The following IFT43 variants were observed in gnomAD, a reference collection of about 807,000 sequenced individuals.
The protein encoded by IFT43 is intraflagellar transport protein 43 homolog.
A neutral mutation model predicts 32.3 loss-of-function variants in IFT43; 33 were observed. That is an observed-to-expected ratio of 1.02 (90% CI 0.77 to 1.37). IFT43 has a LOEUF of 1.37. IFT43 is among the 40% of genes most tolerant of loss of function. The pLI is 0.00. For missense variants in IFT43, 274 were observed against 265.9 expected (o/e 1.03, Z -0.21); for synonymous variants, 93 against 98.2 (o/e 0.95, Z 0.31).
intron 3 of IFT43, among the ~76,000 whole-genome samples, chr14:76,047,721 C>T (rs998096762): frequency 1.1e-4 from 16 of 151,674 alleles, no homozygotes; most frequent in Middle Eastern, 3.4e-3. Context: ...CCCTCTGTTC[C>T]TTCCCTCCCT....
chr14:76,037,689 C>G (rs866762415), intron 3 of IFT43, among the ~76,000 whole-genome samples: 2,300 of 40,538 alleles, frequency 0.057, 59 homozygotes, highest in African/African-American at 0.18. Flanking sequence ...CCCTCATTCT[C>G]TGTTTTTTTT....
chr14:76,016,689 ATGGGAT>A (rs796827479), intron 2 of IFT43, among the ~76,000 whole-genome samples: 10 of 152,302 alleles, frequency 6.6e-5, no homozygotes, highest in African/African-American at 2.4e-4. Flanking sequence ...ATCCATAAGC[ATGGGAT>A]GTCTATTTGT....
At chr14:76,060,000 G>A (rs988634959) in intron 5 of IFT43, among the ~76,000 whole-genome samples, 3 of 152,138 alleles carry the variant, frequency 2.0e-5, no homozygotes, top group African/African-American at 7.2e-5. Flanking sequence ...GACAACACAT[G>A]TTCTTTATCT....
chr14:76,044,070 A>T (rs886853514), intron 3 of IFT43, among the ~76,000 whole-genome samples: 1 of 150,210 alleles, frequency 6.7e-6, no homozygotes, highest in Non-Finnish European at 1.5e-5. Context: ...TTTTTTTTGA[A>T]ACAGAGTCTT....
chr14:76,081,846 GCACT>G (rs1314376179), intron 5 of IFT43, among the ~76,000 whole-genome samples: 1 of 152,172 alleles, frequency 6.6e-6, no homozygotes, highest in Non-Finnish European at 1.5e-5. Flanking sequence ...ATGAGGAGTG[GCACT>G]CACTGCGGCA....
chr14:76,035,410 G>A (rs750315964), intron 3 of IFT43, among the ~76,000 whole-genome samples: 9 of 152,154 alleles, frequency 5.9e-5, no homozygotes, highest in Non-Finnish European at 1.2e-4. Flanking sequence ...GAACTGCTGT[G>A]TGCTGGTCCC....
intron 5 of IFT43, among the ~76,000 whole-genome samples, chr14:76,076,141 G>T (rs2037408008): frequency 1.3e-5 from 2 of 152,242 alleles, no homozygotes; most frequent in Admixed American, 1.3e-4. Flanking sequence ...GAGTGGGAAA[G>T]AAATTTGGGA....
chr14:75,999,218 A>G, intron 2 of IFT43, among the ~76,000 whole-genome samples: 1 of 138,422 alleles, frequency 7.2e-6, no homozygotes, highest in Middle Eastern at 3.8e-3. Context: ...ATTTATATAT[A>G]AATTCATTTT....
At chr14:76,008,458 A>G (rs1220245789) in intron 2 of IFT43, among the ~76,000 whole-genome samples, 1 of 152,254 alleles carries the variant, frequency 6.6e-6, no homozygotes, top group African/African-American at 2.4e-5. Context: ...TCCAGTGTCT[A>G]CAGTAGACCT....
rs931263446 is a variant in IFT43 at position 76,044,392 on chromosome 14, G to A, written c.216-14250G>A. ...GAAGAGCTATATAGGGCAAGGTTTGGAAGAGACCCAATTGTAGGAGCTTCT... is the reference window on the plus strand; with the variant it reads ...GAAGAGCTATATAGGGCAAGGTTTGAAAGAGACCCAATTGTAGGAGCTTCT... On this transcript the variant is annotated intron_variant, in intron 3 of 8. Transcript: ENST00000314067. Among the ~76,000 whole-genome samples the A allele has an allele frequency of 2.6e-5, 4 of 152,172 alleles. No homozygotes were observed. In the East Asian group the frequency reaches 7.7e-4, roughly 29 times the overall value.
chr14:76,054,486 C>T (rs2036972804), intron 3 of IFT43, among the ~76,000 whole-genome samples: 1 of 152,240 alleles, frequency 6.6e-6, no homozygotes, highest in Non-Finnish European at 1.5e-5. Flanking sequence ...CACTAACTAG[C>T]TCTGTGATTT....
intron 6 of IFT43, 99 bp downstream of exon 6, chr14:76,082,466 C>T: frequency 8.5e-7 from 1 of 1,179,800 alleles, no homozygotes; most frequent in Non-Finnish European, 1.3e-6. Flanking sequence ...CTGGATCTTT[C>T]TGGTGTTGGG....
chr14:76,010,592 T>C (rs2036064594), intron 2 of IFT43, among the ~76,000 whole-genome samples: 1 of 151,912 alleles, frequency 6.6e-6, no homozygotes, highest in Non-Finnish European at 1.5e-5. Context: ...AAAAATAGAA[T>C]ATATGTTTTA....
intron 2 of IFT43, among the ~76,000 whole-genome samples, chr14:76,018,740 T>C (rs1938840977): frequency 6.6e-6 from 1 of 152,132 alleles, no homozygotes; most frequent in Non-Finnish European, 1.5e-5. Flanking sequence ...TGGGTACATA[T>C]ATATTTAGAA....
chr14:76,008,581 C>T (rs190652321), intron 2 of IFT43, among the ~76,000 whole-genome samples: 11 of 152,170 alleles, frequency 7.2e-5, no homozygotes, highest in African/African-American at 1.9e-4. Context: ...AATTTGAACC[C>T]GGGACTGTCC....
At chr14:76,006,361 C>G (rs1032723027) in intron 2 of IFT43, among the ~76,000 whole-genome samples, 1 of 152,120 alleles carries the variant, frequency 6.6e-6, no homozygotes, top group Non-Finnish European at 1.5e-5. Context: ...CTAGGTCCTG[C>G]CTTTCATGTT....
At chr14:76,018,192 A>G (rs1233570861) in intron 2 of IFT43, among the ~76,000 whole-genome samples, 1 of 150,266 alleles carries the variant, frequency 6.7e-6, no homozygotes, top group Non-Finnish European at 1.5e-5. Flanking sequence ...ATTCATTGCT[A>G]TACTTCCCTC....
At chr14:75,990,060 G>T (rs1431262748) in intron 2 of IFT43, among the ~76,000 whole-genome samples, 1 of 152,182 alleles carries the variant, frequency 6.6e-6, no homozygotes, top group Middle Eastern at 3.2e-3. Context: ...AGAAAAACTA[G>T]CAGCTGACCC....
intron 2 of IFT43, among the ~76,000 whole-genome samples, chr14:76,004,498 G>A (rs766221416): frequency 2.6e-5 from 4 of 152,046 alleles, no homozygotes; most frequent in Non-Finnish European, 5.9e-5. Context: ...ATGTGACTGT[G>A]TGTCATTTTC....
Sources: gnomAD v4.1 joint callset for allele counts (sites outside exome capture counted in the v4.1 genomes callset) on GRCh38, gnomAD v4.1.1 for gene constraint, MANE v1.5 for transcripts, NCBI Gene and HGNC (gene_info 2026-07-23, HGNC 2026-07-21) for gene names.